Variants in FBXO5 observed in about 807,000 individuals in gnomAD.
The protein encoded by FBXO5 is F-box protein 5.
A neutral mutation model predicts 43.3 loss-of-function variants in FBXO5; 8 were observed. The ratio of observed to expected loss-of-function variants is 0.18; its 90% CI spans 0.11 to 0.33. The LOEUF is 0.33. Among genes scored for constraint, FBXO5 ranks in the 10% least tolerant of loss-of-function variants. The probability of loss-of-function intolerance (pLI) is 1.00; values close to 1 mark genes in which losing one functional copy is unlikely to be tolerated. For missense variants in FBXO5, 491 were observed against 535.7 expected (o/e 0.92, Z 0.82); for synonymous variants, 204 against 193.7 (o/e 1.05, Z -0.44).
intron 1 of FBXO5, among the ~76,000 whole-genome samples, chr6:152,979,398 G>A (rs1293808556): frequency 6.6e-6 from 1 of 152,260 alleles, no homozygotes; most frequent in South Asian, 2.1e-4. Flanking sequence ...CCTTAGTCTG[G>A]GGCTGTGGGT....
At chr6:152,982,406 C>T (rs2073261) in intron 1 of FBXO5, among the ~76,000 whole-genome samples, 50,663 of 151,568 alleles carry the variant, frequency 0.33, 8,868 homozygotes, top group African/African-American at 0.44. Context: ...AGAAAAGGGG[C>T]GCAGGGGGAG....
chr6:152,971,438 T>A, intron 4 of FBXO5, 24 bp from the exon 5 acceptor site: 1 of 1,572,220 alleles, frequency 6.4e-7, no homozygotes, highest in Non-Finnish European at 8.6e-7. Context: ...AAAAACCCAT[T>A]AACAAATTTC....
intron 3 of FBXO5, 51 bp downstream of exon 3, chr6:152,972,995 A>C (rs550217048): frequency 1.4e-6 from 2 of 1,406,128 alleles, no homozygotes; most frequent in Non-Finnish European, 2.0e-6. Context: ...TATTTCTAGA[A>C]GAGCACTAAC....
At chr6:152,983,521 A>C (rs897996573), upstream of FBXO5, 59 of 149,006 alleles carry the variant, frequency 4.0e-4, no homozygotes, top group African/African-American at 1.4e-3. Flanking sequence ...GGGAATCCAG[A>C]CTTTCCGGAA....
At chr6:152,977,464 A>G (rs916777451) in intron 1 of FBXO5, among the ~76,000 whole-genome samples, 3 of 152,182 alleles carry the variant, frequency 2.0e-5, no homozygotes, top group African/African-American at 7.2e-5. Context: ...TAAATTCCCA[A>G]TGTTAATACA....
At chr6:152,979,499 A>G (rs184846218) in intron 1 of FBXO5, among the ~76,000 whole-genome samples, 1 of 152,210 alleles carries the variant, frequency 6.6e-6, no homozygotes, top group Non-Finnish European at 1.5e-5. Context: ...CTCCAAATGT[A>G]AAGTTACTCC....
rs138595022 is a variant in FBXO5, at chr6:152,981,479, A to G, written c.103+1378T>C. On this transcript the variant is annotated intron_variant, in intron 1 of 4. Coordinates refer to ENST00000229758, the MANE Select transcript of FBXO5 (RefSeq NM_012177.5). The stretch of plus-strand genomic sequence containing the variant: ...GAATTTAAGAGGCCCAATGCTTGTG[A>G]CCATAAAGTAATCTTTAAGAGAAAA... Among the ~76,000 whole-genome samples the G allele has an allele frequency of 4.9e-3, 743 of 152,306 alleles. 3 individuals are homozygous for G. The highest frequency in any genetic ancestry group is 0.017 in the African/African-American group (703 of 41,558).
At chr6:152,971,562 C>T in intron 4 of FBXO5, 148 bp from the exon 5 acceptor site, 1 of 759,310 alleles carries the variant, frequency 1.3e-6, no homozygotes, top group South Asian at 1.9e-5. Flanking sequence ...CTAACTATTG[C>T]CCTTTATCTA....
At position 152,974,853 on chromosome 6, in the gene FBXO5, T is replaced by C. The variant is rs893159365; in HGVS notation, c.818+54A>G. ...GCATGAGCTGGTGGTACTGAGCCAC[T>C]AACAGCAATGTTCAGTGTATTATGC... is the stretch of plus-strand genomic sequence containing the variant. On this transcript the variant is annotated intron_variant, in intron 2 of 4. Coordinates refer to ENST00000229758, the MANE Select transcript of FBXO5 (RefSeq NM_012177.5). 4 of 1,415,404 alleles carry C rather than the reference T, an allele frequency of 2.8e-6. No homozygotes were observed. The African/African-American group carries it at 5.7e-5, about 20-fold the overall frequency. The allele number at this position is 1,415,404 out of a possible 1,614,324, so 87.7% of individuals were successfully genotyped here.
At chr6:152,971,452 A>C in intron 4 of FBXO5, 38 bp from the exon 5 acceptor site, 1 of 1,563,656 alleles carries the variant, frequency 6.4e-7, no homozygotes, top group Non-Finnish European at 8.6e-7. Flanking sequence ...AAATTTCAGC[A>C]AGAATTACAT....
At chr6:152,983,132 G>T (rs374194115), upstream of FBXO5, 296 of 423,236 alleles carry the variant, frequency 7.0e-4, 1 homozygote, top group African/African-American at 5.0e-3. Context: ...TTGCATGCGC[G>T]CACCAATAGG....
At chr6:152,977,422 A>T (rs1390323486) in intron 1 of FBXO5, among the ~76,000 whole-genome samples, 2 of 152,246 alleles carry the variant, frequency 1.3e-5, no homozygotes, top group African/African-American at 4.8e-5. Flanking sequence ...GGATACCTTC[A>T]TAGAAAGTAA....
intron 1 of FBXO5, among the ~76,000 whole-genome samples, chr6:152,981,732 T>C (rs574927494): frequency 6.6e-6 from 1 of 151,966 alleles, no homozygotes; most frequent in South Asian, 2.1e-4. Context: ...CAGGATCTTC[T>C]AGAAATATAT....
intron 2 of FBXO5, chr6:152,973,705 T>C (rs993211049): frequency 3.9e-5 from 6 of 152,140 alleles, no homozygotes; most frequent in African/African-American, 1.5e-4. Flanking sequence ...CTACTAAAAA[T>C]ACAAAAATTA....
intron 1 of FBXO5, among the ~76,000 whole-genome samples, chr6:152,981,176 T>C (rs970654018): frequency 2.0e-5 from 3 of 152,150 alleles, no homozygotes; most frequent in Non-Finnish European, 4.4e-5. Flanking sequence ...TTCCTATTTT[T>C]CCCCCAAGTG....
intron 3 of FBXO5, 109 bp downstream of exon 3, chr6:152,972,937 T>A: frequency 1.4e-6 from 1 of 720,318 alleles, no homozygotes; most frequent in Non-Finnish European, 2.2e-6. Context: ...AAGGCTGAAA[T>A]ACTTTATGAC....
intron 2 of FBXO5, 129 bp from the exon 3 acceptor site, chr6:152,973,265 T>A (rs566633034): frequency 2.8e-6 from 2 of 703,532 alleles, no homozygotes; most frequent in South Asian, 3.8e-5. Flanking sequence ...CCTGACCACA[T>A]TACAATTGCC....
In FBXO5 at chr6:152,975,580, A is replaced by G. The variant is rs1778157294; in HGVS notation, c.145T>C (p.Cys49Arg). 5 of 1,608,206 alleles carry G rather than the reference A, an allele frequency of 3.1e-6. No homozygotes were observed. The East Asian group carries it at 1.1e-4, about 36-fold the overall frequency. Residue 49 changes from cysteine to arginine, a missense_variant, in exon 2 of 5, where the codon TGT (cysteine) becomes CGT (arginine). Transcript: ENST00000229758. ...ESSTLSVKMK[C>R]DFNCNHVHSG... The stretch of plus-strand genomic sequence containing the variant: ...TGAACATGGTTACAATTAAAATCAC[A>G]CTTCATTTTGACAGAAAGGGTAGAA...
At chr6:152,983,128 G>A (rs938371710), upstream of FBXO5, 2 of 426,790 alleles carry the variant, frequency 4.7e-6, no homozygotes, top group African/African-American at 4.1e-5. Context: ...TCGCTTGCAT[G>A]CGCGCACCAA....
Sources: allele counts gnomAD v4.1 joint callset (sites outside exome capture counted in the v4.1 genomes callset), GRCh38; gene constraint gnomAD v4.1.1; transcripts MANE v1.5; gene names NCBI Gene and HGNC (gene_info 2026-07-23, HGNC 2026-07-21).